PTPRK: variants seen among roughly 807,000 people sequenced by gnomAD.
PTPRK encodes the protein protein tyrosine phosphatase receptor type K, also known as receptor-type tyrosine-protein phosphatase kappa.
PTPRK carries 75 observed loss-of-function variants against 178.0 expected under a neutral mutation model. The observed-to-expected ratio is 0.42, with a 90% CI of 0.35 to 0.51. The LOEUF is 0.51. Ranked by LOEUF, PTPRK falls within the 20% of genes least tolerant of loss-of-function variation. The pLI is 0.02. For missense variants in PTPRK, 1,441 were observed against 1,797.8 expected (o/e 0.80, Z 3.59); for synonymous variants, 637 against 620.6 (o/e 1.03, Z -0.39).
chr6:128,065,582 C>T (rs957839113), intron 12 of PTPRK, among the ~76,000 whole-genome samples: 6 of 152,096 alleles, frequency 3.9e-5, no homozygotes, highest in East Asian at 1.9e-4. Flanking sequence ...AAACCAGAGG[C>T]GATCTGTTTG....
chr6:128,180,630 C>T (rs1038465934), intron 7 of PTPRK, among the ~76,000 whole-genome samples: 2 of 151,986 alleles, frequency 1.3e-5, no homozygotes, highest in African/African-American at 4.8e-5. Flanking sequence ...GGCAACCAGA[C>T]AGGATATTTT....
At chr6:128,067,119 C>T (rs1371815327) in intron 12 of PTPRK, among the ~76,000 whole-genome samples, 7 of 152,206 alleles carry the variant, frequency 4.6e-5, no homozygotes, top group Admixed American at 2.6e-4. Flanking sequence ...CTGTGGAACA[C>T]GCATTCTGTT....
rs1584512389 is a variant in PTPRK, at chr6:128,395,379, T to G, written c.223+2187A>C. Among the ~76,000 whole-genome samples the G allele has an allele frequency of 2.0e-5, 3 of 152,140 alleles. No homozygotes were observed. The East Asian group carries it at 5.8e-4, about 29-fold the overall frequency. ...TTCAAATGCTTTCATTTTCTGTGCA[T>G]ATCATCCTGTACTGTAACCACCGAT... On this transcript the variant is annotated intron_variant, in intron 2 of 29. Coordinates refer to ENST00000368226, the MANE Select transcript of PTPRK (RefSeq NM_002844.4).
chr6:128,518,488 T>C (rs982167391), intron 1 of PTPRK, among the ~76,000 whole-genome samples: 14 of 152,354 alleles, frequency 9.2e-5, no homozygotes, highest in African/African-American at 3.4e-4. Context: ...GTTGCAACTC[T>C]TGAATACATG....
At chr6:128,246,715 CAGA>C (rs1315463207) in intron 3 of PTPRK, among the ~76,000 whole-genome samples, 2 of 152,202 alleles carry the variant, frequency 1.3e-5, no homozygotes, top group Non-Finnish European at 2.9e-5. Context: ...CCAGGCTTCC[CAGA>C]AGAAGAGAGC....
intron 2 of PTPRK, among the ~76,000 whole-genome samples, chr6:128,338,390 C>T (rs1035632390): frequency 2.6e-5 from 4 of 152,130 alleles, no homozygotes; most frequent in African/African-American, 9.7e-5. Context: ...TTTCTTGTTA[C>T]TACACCCAAA....
At chr6:128,188,709 A>G (rs1803192547) in intron 6 of PTPRK, among the ~76,000 whole-genome samples, 2 of 152,194 alleles carry the variant, frequency 1.3e-5, no homozygotes, top group Non-Finnish European at 2.9e-5. Flanking sequence ...CCACTCGGTC[A>G]AAATCAAGCT....
intron 1 of PTPRK, among the ~76,000 whole-genome samples, chr6:128,406,669 T>C (rs1841694076): frequency 6.6e-6 from 1 of 152,202 alleles, no homozygotes; most frequent in African/African-American, 2.4e-5. Context: ...CTTTGCTCCC[T>C]TTCTCATAAA....
At chr6:128,270,746 A>G (rs1819679462) in intron 3 of PTPRK, among the ~76,000 whole-genome samples, 1 of 152,070 alleles carries the variant, frequency 6.6e-6, no homozygotes, top group African/African-American at 2.4e-5. Context: ...GATAGTACAC[A>G]TTTCTTCAAA....
chr6:128,029,721 A>C (rs1350786134), intron 13 of PTPRK, among the ~76,000 whole-genome samples: 1 of 151,228 alleles, frequency 6.6e-6, no homozygotes, highest in African/African-American at 2.4e-5. Context: ...TAGCAATGCA[A>C]GGACTAACTA....
chr6:127,991,240 G>T, intron 20 of PTPRK, 54 bp downstream of exon 20: 1 of 1,352,152 alleles, frequency 7.4e-7, no homozygotes. Flanking sequence ...CTTACATGTT[G>T]CTTCTCAACT....
intron 7 of PTPRK, among the ~76,000 whole-genome samples, chr6:128,120,202 T>C (rs1035819108): frequency 5.7e-4 from 87 of 152,090 alleles, no homozygotes; most frequent in African/African-American, 1.9e-3. Context: ...GTTTTTCCTA[T>C]GCAAATCTAT....
intron 2 of PTPRK, among the ~76,000 whole-genome samples, chr6:128,386,593 T>C (rs955141526): frequency 6.6e-6 from 1 of 152,202 alleles, no homozygotes; most frequent in African/African-American, 2.4e-5. Flanking sequence ...GAAACCAAGT[T>C]TTGTTTTTTA....
intron 1 of PTPRK, among the ~76,000 whole-genome samples, chr6:128,510,501 T>C (rs1161662530): frequency 1.3e-5 from 2 of 152,222 alleles, no homozygotes; most frequent in African/African-American, 2.4e-5. Context: ...AAAATCACCA[T>C]CATCTCTTGA....
At chr6:128,037,233 T>C (rs1031512615) in intron 13 of PTPRK, among the ~76,000 whole-genome samples, 1 of 152,194 alleles carries the variant, frequency 6.6e-6, no homozygotes, top group African/African-American at 2.4e-5. Flanking sequence ...TACTAAGTCA[T>C]TTGAGTCATC....
At chr6:128,225,939 A>G (rs1811218906) in intron 5 of PTPRK, among the ~76,000 whole-genome samples, 1 of 152,196 alleles carries the variant, frequency 6.6e-6, no homozygotes, top group African/African-American at 2.4e-5. Flanking sequence ...TGTGCTGGAG[A>G]TAGCAAATAC....
At chr6:128,501,391 T>TCACACACACACA (rs67621491) in intron 1 of PTPRK, among the ~76,000 whole-genome samples, 44 of 145,668 alleles carry the variant, frequency 3.0e-4, no homozygotes, top group African/African-American at 1.1e-3. Context: ...TAAACTCAAA[T>TCACACACACACA]CACACACACA....
intron 13 of PTPRK, among the ~76,000 whole-genome samples, chr6:128,034,394 T>A (rs1203836585): frequency 1.3e-5 from 2 of 152,236 alleles, no homozygotes; most frequent in Admixed American, 6.5e-5. Flanking sequence ...ACAACTTCCC[T>A]TTGCTAAGGA....
chr6:127,996,144 TACTC>T (rs749295792), intron 17 of PTPRK, among the ~76,000 whole-genome samples: 1 of 152,222 alleles, frequency 6.6e-6, no homozygotes, highest in South Asian at 2.1e-4. Context: ...CTTGAGGACT[TACTC>T]AGGAGGAAGT....
Sources: allele counts gnomAD v4.1 joint callset (sites outside exome capture counted in the v4.1 genomes callset), GRCh38; gene constraint gnomAD v4.1.1; transcripts MANE v1.5; gene names NCBI Gene and HGNC (gene_info 2026-07-23, HGNC 2026-07-21).